Variants in NOL4 observed in about 807,000 individuals in gnomAD.
NOL4 encodes nucleolar protein 4, also known as cancer/testis antigen 125.
A neutral mutation model predicts 75.9 loss-of-function variants in NOL4; 17 were observed. The observed-to-expected ratio is 0.22, with a 90% confidence interval of 0.15 to 0.34. The LOEUF (loss-of-function observed/expected upper bound fraction) is 0.34. Ranked by LOEUF, NOL4 falls within the 10% of genes least tolerant of loss-of-function variation. The probability of loss-of-function intolerance (pLI) is 1.00; values close to 1 mark genes in which losing one functional copy is unlikely to be tolerated. For missense variants in NOL4, 614 were observed against 793.5 expected, an observed-to-expected ratio of 0.77 and a Z score of 2.72; for synonymous variants, 292 against 289.9, an observed-to-expected ratio of 1.01 and a Z score of -0.07.
intron 10 of NOL4, among the ~76,000 whole-genome samples, chr18:33,869,723 T>C (rs1234889004): frequency 6.6e-6 from 1 of 152,082 alleles, no homozygotes; most frequent in Non-Finnish European, 1.5e-5. Flanking sequence ...CCTACTTCTT[T>C]TATACTATTA....
At chr18:34,163,734 A>T (rs1030166767) in intron 1 of NOL4, among the ~76,000 whole-genome samples, 1 of 152,156 alleles carries the variant, frequency 6.6e-6, no homozygotes, top group Non-Finnish European at 1.5e-5. Context: ...GAACTGGAAA[A>T]AACTACTTTA....
Position 33,957,505 on chromosome 18 carries a change from G to T in NOL4, c.1249C>A (p.Leu417Met), listed in dbSNP as rs368154914. The change falls in exon 8 of 11, where the codon CTG (leucine) becomes ATG (methionine). Residue 417 changes from leucine (L) to methionine (M), a missense_variant. Leu to Met is a conservative substitution (Grantham distance 15). Transcript: ENST00000261592. ...CGGTCCAAGTTTTCATCTACAAACA[G>T]CCTGACAAACATCTGTTGGCAAGAG... ...RLKAFNMFVR[L>M]FVDENLDRMV... The T allele has an allele frequency of 8.6e-5, 138 of 1,612,742 alleles. No homozygotes were observed. Among genetic ancestry groups the T allele is most frequent in the Non-Finnish European group, 1.1e-4 (133 of 1,179,372 alleles).
chr18:34,025,438 C>T (rs949262749), intron 5 of NOL4, among the ~76,000 whole-genome samples: 6 of 152,146 alleles, frequency 3.9e-5, no homozygotes, highest in African/African-American at 1.4e-4. Flanking sequence ...TTCACATGTG[C>T]TGAAGTCACT....
chr18:33,967,381 G>A (rs1490456069), intron 6 of NOL4, among the ~76,000 whole-genome samples: 1 of 152,086 alleles, frequency 6.6e-6, no homozygotes, highest in Non-Finnish European at 1.5e-5. Flanking sequence ...AGACAACCTA[G>A]GAGATACTCT....
intron 8 of NOL4, among the ~76,000 whole-genome samples, chr18:33,952,273 T>G (rs2069289639): frequency 6.6e-6 from 1 of 152,160 alleles, no homozygotes; most frequent in African/African-American, 2.4e-5. Flanking sequence ...CTTTACAACT[T>G]AGTTATTCTT....
At chr18:34,123,723 CAT>C (rs1292795865) in intron 2 of NOL4, among the ~76,000 whole-genome samples, 2 of 148,744 alleles carry the variant, frequency 1.3e-5, no homozygotes, top group South Asian at 4.2e-4. Flanking sequence ...TAGATGGATA[CAT>C]ATATGTCTAT....
chr18:34,030,657 A>T (rs2075593442), intron 5 of NOL4, among the ~76,000 whole-genome samples: 1 of 152,166 alleles, frequency 6.6e-6, no homozygotes, highest in African/African-American at 2.4e-5. Context: ...ACCACTTTGG[A>T]TTACTGTAGT....
chr18:33,952,453 G>A (rs973417770), intron 8 of NOL4, among the ~76,000 whole-genome samples: 2 of 152,070 alleles, frequency 1.3e-5, no homozygotes, highest in African/African-American at 4.8e-5. Context: ...GGATAGAAAG[G>A]TACCATATTA....
At chr18:34,024,275 C>T (rs1169095495) in intron 5 of NOL4, among the ~76,000 whole-genome samples, 1 of 145,438 alleles carries the variant, frequency 6.9e-6, no homozygotes. Flanking sequence ...GTCAGATGCT[C>T]ACAGGGTCCA....
chr18:33,881,795 C>A (rs1478193448), intron 10 of NOL4, among the ~76,000 whole-genome samples: 1 of 152,132 alleles, frequency 6.6e-6, no homozygotes, highest in Non-Finnish European at 1.5e-5. Context: ...TGCTACCTGA[C>A]TTCAAACTAT....
chr18:34,195,028 CAAA>C (rs35925381), intron 1 of NOL4, among the ~76,000 whole-genome samples: 1 of 131,896 alleles, frequency 7.6e-6, no homozygotes, highest in Non-Finnish European at 1.6e-5. Flanking sequence ...AACTCCGTCT[CAAA>C]AAAAAAAAAG....
intron 5 of NOL4, among the ~76,000 whole-genome samples, chr18:34,037,402 GA>G (rs1425392194): frequency 2.5e-5 from 3 of 120,896 alleles, no homozygotes; most frequent in Non-Finnish European, 5.8e-5. Flanking sequence ...ATTTTTCACA[GA>G]AATAAAAAAA....
At chr18:34,059,572 T>C (rs993030256) in intron 5 of NOL4, among the ~76,000 whole-genome samples, 1 of 152,170 alleles carries the variant, frequency 6.6e-6, no homozygotes, top group Non-Finnish European at 1.5e-5. Context: ...CACTGTCGCT[T>C]GGGATCACTA....
chr18:33,995,548 A>T (rs116690834), intron 6 of NOL4, among the ~76,000 whole-genome samples: 1,778 of 151,806 alleles, frequency 0.012, 32 homozygotes, highest in African/African-American at 0.04. Flanking sequence ...ATTTCATGAG[A>T]AAAACTTAAC....
chr18:34,055,510 T>C (rs2076798941), intron 5 of NOL4, among the ~76,000 whole-genome samples: 1 of 152,146 alleles, frequency 6.6e-6, no homozygotes, highest in Admixed American at 6.5e-5. Flanking sequence ...ATGATGAGTC[T>C]TTTTTCCCTT....
chr18:34,015,388 T>C lies in NOL4; in HGVS notation c.1056+3930A>G, dbSNP rs575494375. ...GAGCACTAACTCTCCTAACCAATGTTCAGGTTCAGGCCAATGTCACTTCAT... is the reference window on the plus strand; with the variant it reads ...GAGCACTAACTCTCCTAACCAATGTCCAGGTTCAGGCCAATGTCACTTCAT... On this transcript the variant is annotated intron_variant, in intron 6 of 10. Transcript: ENST00000261592. Among the ~76,000 whole-genome samples the C allele has an allele frequency of 2.0e-5, 3 of 152,120 alleles. No individual in the cohort carries two copies. The South Asian group carries it at 6.2e-4, about 32-fold the overall frequency.
At chr18:33,935,655 G>A (rs1339105817) in intron 9 of NOL4, among the ~76,000 whole-genome samples, 1 of 152,128 alleles carries the variant, frequency 6.6e-6, no homozygotes, top group Non-Finnish European at 1.5e-5. Flanking sequence ...ACCACATGCT[G>A]TTGGAAAAAT....
Position 34,111,096 on chromosome 18 carries a change from C to A in NOL4, c.415-5936G>T, listed in dbSNP as rs75314663. On this transcript the variant is annotated intron_variant, in intron 2 of 10. Transcript: ENST00000261592. ...AAATGGTATTTGGAAACTGGATAAC[C>A]AAATGTGGAAGAAATAAATTGGCCC... Among the ~76,000 whole-genome samples, 71 of 152,012 alleles carry A rather than the reference C, an allele frequency of 4.7e-4. No homozygotes were observed. The East Asian group carries it at 0.011, about 24-fold the overall frequency.
chr18:33,913,692 G>A (rs1443207621), intron 9 of NOL4, among the ~76,000 whole-genome samples: 1 of 152,072 alleles, frequency 6.6e-6, no homozygotes, highest in African/African-American at 2.4e-5. Context: ...TATAAGCACA[G>A]AAACTGAAAT....
Sources: gnomAD v4.1 joint callset for allele counts (sites outside exome capture counted in the v4.1 genomes callset) on GRCh38, gnomAD v4.1.1 for gene constraint, MANE v1.5 for transcripts, NCBI Gene and HGNC (gene_info 2026-07-23, HGNC 2026-07-21) for gene names.